PCDHA10: variants seen among roughly 807,000 people sequenced by gnomAD.
PCDHA10 encodes protocadherin alpha 10.
PCDHA10 carries 45 observed loss-of-function variants against 61.2 expected under a neutral mutation model. The ratio of observed to expected loss-of-function variants is 0.74; its 90% CI spans 0.58 to 0.94. The LOEUF (loss-of-function observed/expected upper bound fraction) is 0.94. PCDHA10 is among the 40% of genes least tolerant of loss of function. The pLI is 0.00. For synonymous variants in PCDHA10, 602 were observed against 548.8 expected, an observed-to-expected ratio of 1.10 and a Z score of -1.35; for missense variants, 1,278 against 1,236.2, an observed-to-expected ratio of 1.03 and a Z score of -0.51.
rs2091506714 is a variant in PCDHA10, at chr5:140,937,376, G to C, written c.2389-41573G>C. Reference sequence around the variant, plus strand: ...TATTATTTTATCTTAATGTTTATGTGTGTGTATGTGTATATAGGGGTATTG... The same window carrying C: ...TATTATTTTATCTTAATGTTTATGTCTGTGTATGTGTATATAGGGGTATTG... On this transcript the variant is annotated intron_variant, in intron 1 of 3. Coordinates refer to ENST00000307360, the MANE Select transcript of PCDHA10 (RefSeq NM_018901.4). Among the ~76,000 whole-genome samples, 4 of 152,084 alleles carry C rather than the reference G, an allele frequency of 2.6e-5. No homozygotes were observed. In the South Asian group the frequency reaches 8.3e-4, roughly 32 times the overall value.
At chr5:140,920,199 C>G (rs2079510871) in intron 1 of PCDHA10, among the ~76,000 whole-genome samples, 1 of 152,116 alleles carries the variant, frequency 6.6e-6, no homozygotes, top group African/African-American at 2.4e-5. Flanking sequence ...GTCACAGCAG[C>G]CACAGAAAAC....
At chr5:140,876,660 G>C in intron 1 of PCDHA10, 1 of 1,614,216 alleles carries the variant, frequency 6.2e-7, no homozygotes, top group Non-Finnish European at 8.5e-7. Context: ...TTCCCTTCAA[G>C]CTGGTGTCCA....
At chr5:141,006,689 G>C (rs1249412460) in intron 3 of PCDHA10, among the ~76,000 whole-genome samples, 3 of 152,072 alleles carry the variant, frequency 2.0e-5, no homozygotes, top group African/African-American at 7.2e-5. Flanking sequence ...TGGGAGAAGA[G>C]GACAGAGTCA....
chr5:140,881,886 C>G (rs2058857922), intron 1 of PCDHA10, among the ~76,000 whole-genome samples: 1 of 152,170 alleles, frequency 6.6e-6, no homozygotes, highest in African/African-American at 2.4e-5. Flanking sequence ...AACTCATCAA[C>G]CAATTGTCAG....
chr5:140,903,543 A>C (rs1309997907), intron 1 of PCDHA10, among the ~76,000 whole-genome samples: 2 of 152,206 alleles, frequency 1.3e-5, no homozygotes, highest in East Asian at 3.8e-4. Flanking sequence ...TAGAGCAAGA[A>C]ACTTTTCTAA....
intron 3 of PCDHA10, among the ~76,000 whole-genome samples, chr5:141,000,339 ATC>A (rs1414297743): frequency 2.0e-5 from 2 of 102,334 alleles, no homozygotes; most frequent in Admixed American, 1.0e-4. Context: ...GCAAGGCCCT[ATC>A]TCTCTCTCTG....
intron 3 of PCDHA10, chr5:140,988,770 G>A (rs1388594585): frequency 6.6e-6 from 1 of 152,168 alleles, no homozygotes; most frequent in African/African-American, 2.4e-5. Flanking sequence ...TACAGTCATG[G>A]TTAAGACCAT....
chr5:141,007,394 A>G (rs2098323051), intron 3 of PCDHA10, among the ~76,000 whole-genome samples: 16 of 86,170 alleles, frequency 1.9e-4, no homozygotes, highest in Non-Finnish European at 3.5e-4. Context: ...CTACTAAAAT[A>G]CAAAAAAAAA....
intron 1 of PCDHA10, among the ~76,000 whole-genome samples, chr5:140,885,555 C>T (rs1225816980): frequency 3.3e-5 from 5 of 151,940 alleles, no homozygotes; most frequent in South Asian, 2.1e-4. Flanking sequence ...GTTATTTCTA[C>T]GAAATTGATT....
intron 1 of PCDHA10, among the ~76,000 whole-genome samples, chr5:140,906,790 C>A (rs1381392314): frequency 6.6e-6 from 1 of 152,276 alleles, no homozygotes; most frequent in South Asian, 2.1e-4. Flanking sequence ...TTGTGTATTC[C>A]ATGCATACTC....
At chr5:140,880,643 A>G (rs937655917) in intron 1 of PCDHA10, among the ~76,000 whole-genome samples, 1 of 152,198 alleles carries the variant, frequency 6.6e-6, no homozygotes, top group African/African-American at 2.4e-5. Context: ...TTCACTTGAG[A>G]GCCCAACTGA....
At chr5:140,987,944 T>C (rs910006070) in intron 3 of PCDHA10, among the ~76,000 whole-genome samples, 11 of 152,186 alleles carry the variant, frequency 7.2e-5, no homozygotes, top group African/African-American at 2.7e-4. Context: ...CTTACCTGTC[T>C]GACAAAACCA....
intron 1 of PCDHA10, chr5:140,875,542 T>G: frequency 6.2e-7 from 1 of 1,614,134 alleles, no homozygotes. Context: ...CCTTGCAGCC[T>G]GGGAGGTGGG....
At chr5:140,966,741 G>T in intron 1 of PCDHA10, 1 of 1,421,322 alleles carries the variant, frequency 7.0e-7, no homozygotes, top group Non-Finnish European at 9.1e-7. Flanking sequence ...GGCCCTGCCC[G>T]GCTGCCTCCG....
intron 1 of PCDHA10, among the ~76,000 whole-genome samples, chr5:140,977,260 T>C (rs2096752693): frequency 6.6e-6 from 1 of 152,226 alleles, no homozygotes. Flanking sequence ...TCTCAGCAGA[T>C]GTTACAGTCT....
At chr5:140,948,519 CTA>C (rs2094266581) in intron 1 of PCDHA10, among the ~76,000 whole-genome samples, 1 of 151,476 alleles carries the variant, frequency 6.6e-6, no homozygotes, top group African/African-American at 2.4e-5. Context: ...AATGTTAACA[CTA>C]TTTATATTTT....
At chr5:140,966,470 T>G (rs782674249) in intron 1 of PCDHA10, 26 of 431,180 alleles carry the variant, frequency 6.0e-5, no homozygotes, top group Non-Finnish European at 9.3e-5. Context: ...TCTTCCCTTC[T>G]GTTTCCTTTT....
chr5:140,866,808 G>C (rs995846650), intron 1 of PCDHA10: 1 of 152,114 alleles, frequency 6.6e-6, no homozygotes, highest in East Asian at 1.9e-4. Context: ...CAGGCACAAA[G>C]TTCCTTAATC....
rs529251467 is a variant in PCDHA10 at position 140,953,424 on chromosome 5, T to C, written c.2389-25525T>C. The stretch of plus-strand genomic sequence containing the variant: ...TGTTGCTCCTGGCTCCTCCCCTTTG[T>C]CCTTAAGCTGGAGAAACTAGGGATT... On this transcript the variant is annotated intron_variant, in intron 1 of 3. Transcript: ENST00000307360. 2.6e-5 allele frequency among the ~76,000 whole-genome samples: 4 copies of C among 152,230 alleles called. No individual in the cohort carries two copies. In the East Asian group the frequency reaches 7.7e-4, roughly 29 times the overall value.
Sources: gnomAD v4.1 joint callset for allele counts (sites outside exome capture counted in the v4.1 genomes callset) on GRCh38, gnomAD v4.1.1 for gene constraint, MANE v1.5 for transcripts, NCBI Gene and HGNC (gene_info 2026-07-23, HGNC 2026-07-21) for gene names.